The following ZCCHC8 variants were observed in gnomAD, a reference collection of about 807,000 sequenced individuals.
ZCCHC8 encodes the protein zinc finger CCHC-type containing 8, also known as zinc finger CCHC domain-containing protein 8.
In ZCCHC8, 27 loss-of-function variants were observed where a neutral mutation model predicts 70.6. That is an observed-to-expected ratio of 0.38 (90% CI 0.28 to 0.53). The LOEUF is 0.53. Ranked by LOEUF, ZCCHC8 falls within the 20% of genes least tolerant of loss-of-function variation. The probability of loss-of-function intolerance (pLI) is 0.81; values close to 1 mark genes in which losing one functional copy is unlikely to be tolerated. For missense variants in ZCCHC8, 737 were observed against 876.9 expected, an observed-to-expected ratio of 0.84 and a Z score of 2.01; for synonymous variants, 293 against 317.4, an observed-to-expected ratio of 0.92 and a Z score of 0.82.
chr12:122,478,155 T>A (rs1343246882), intron 12 of ZCCHC8, 51 bp downstream of exon 12: 4 of 1,439,944 alleles, frequency 2.8e-6, no homozygotes, highest in Non-Finnish European at 3.8e-6. Context: ...AATTACACAA[T>A]CTCGCAGACA....
intron 10 of ZCCHC8, 68 bp from the exon 11 acceptor site, chr12:122,480,379 T>C: frequency 7.4e-7 from 1 of 1,354,190 alleles, no homozygotes; most frequent in Non-Finnish European, 9.7e-7. Context: ...AGACCAAAAG[T>C]ACACCTGGAA....
chr12:122,482,159 C>G (rs1186841403), intron 8 of ZCCHC8, 72 bp from the exon 9 acceptor site: 1 of 1,445,664 alleles, frequency 6.9e-7, no homozygotes, highest in Admixed American at 2.3e-5. Flanking sequence ...AATAAAAATA[C>G]TTTTTTTTAG....
In ZCCHC8 at chr12:122,473,412, A is replaced by T; in HGVS notation, c.*85T>A. ...ATTTTTAAACATGGGAGGGACAAACAGGAAAACCATTCTATCTATCCACTT... is the reference window on the plus strand; with the variant it reads ...ATTTTTAAACATGGGAGGGACAAACTGGAAAACCATTCTATCTATCCACTT... On this transcript the variant is annotated 3_prime_UTR_variant, in exon 14 of 14. Coordinates refer to ENST00000633063, the MANE Select transcript of ZCCHC8 (RefSeq NM_017612.5). The T allele has an allele frequency of 7.1e-7, 1 of 1,402,256 alleles. No homozygotes were observed. Among genetic ancestry groups the T allele is most frequent in the South Asian group, 1.5e-5 (1 of 68,292 alleles). The allele number at this position is 1,402,256 out of a possible 1,614,324, so 86.9% of individuals were successfully genotyped here. A position where few individuals can be genotyped will look rare whatever the true frequency, so the allele number is the denominator to read the frequency against.
chr12:122,483,157 G>T lies in ZCCHC8; in HGVS notation c.671+122C>A. On this transcript the variant is annotated intron_variant, in intron 7 of 13. Transcript: ENST00000633063. This position sits in a 1 kb window ranked among gnomAD's most constrained non-coding sequence, Gnocchi z 4.4. The stretch of plus-strand genomic sequence containing the variant: ...CATATATGTATGGATTAAAATTCTA[G>T]CTCAATCTGTAATTAACCTTAGAGT... The T allele has an allele frequency of 1.1e-6, 1 of 876,480 alleles. No homozygotes were observed. The highest frequency in any genetic ancestry group is 1.8e-6 in the Non-Finnish European group (1 of 571,296). The allele number at this position is 876,480 out of a possible 1,614,324, so 54.3% of individuals were successfully genotyped here. A position where few individuals can be genotyped will look rare whatever the true frequency, so the allele number is the denominator to read the frequency against.
Position 122,483,753 on chromosome 12 carries a change from CT to C in ZCCHC8, c.502-191del. On this transcript the variant is annotated intron_variant, in intron 5 of 13. Coordinates refer to ENST00000633063, the MANE Select transcript of ZCCHC8 (RefSeq NM_017612.5). The surrounding 1 kb of genome is among the most constrained non-coding windows in gnomAD (Gnocchi z 4.4). ...CTACATCGTCAGTTCCCTCTCTCTG[CT>C]AGATCAGTTTTTCCTCTGTATTGGA... is the stretch of plus-strand genomic sequence containing the variant. 3.5e-6 allele frequency: 2 copies of C among 575,522 alleles called. No individual in the cohort carries two copies. The highest frequency in any genetic ancestry group is 6.1e-6 in the Non-Finnish European group (2 of 328,368). 35.7% of individuals were successfully genotyped at this position (575,522 alleles called of 1,614,324 possible).
At chr12:122,478,005 G>A (rs1304058419) in intron 12 of ZCCHC8, 47 bp from the exon 13 acceptor site, 1 of 1,408,948 alleles carries the variant, frequency 7.1e-7, no homozygotes, top group Non-Finnish European at 1.0e-6. Flanking sequence ...GGTAGATAAT[G>A]AATTAAACTC....
chr12:122,492,837 T>C, intron 2 of ZCCHC8, 48 bp from the exon 3 acceptor site: 1 of 1,254,670 alleles, frequency 8.0e-7, no homozygotes, highest in East Asian at 2.5e-5. Context: ...TAAGTAAAAC[T>C]TGCATACGTA....
intron 2 of ZCCHC8, 115 bp from the exon 3 acceptor site, chr12:122,492,904 T>C (rs1372750449): frequency 4.2e-6 from 3 of 707,062 alleles, no homozygotes; most frequent in South Asian, 1.8e-5. Context: ...AGGTTCTCAC[T>C]CTGTCGCTCG....
intron 4 of ZCCHC8, among the ~76,000 whole-genome samples, 198 bp downstream of exon 4, chr12:122,490,264 T>C (rs1267523965): frequency 6.6e-6 from 1 of 152,106 alleles, no homozygotes; most frequent in Non-Finnish European, 1.5e-5. Context: ...AGTCAGGCAA[T>C]GTAAAAAGTC....
At chr12:122,492,680 A>G (rs971115209) in intron 3 of ZCCHC8, 35 bp downstream of exon 3, 1 of 1,322,662 alleles carries the variant, frequency 7.6e-7, no homozygotes, top group Admixed American at 2.1e-5. Flanking sequence ...CCATAAACAC[A>G]TTATTATATT....
intron 1 of ZCCHC8, 63 bp from the exon 2 acceptor site, chr12:122,498,932 T>C (rs1056332196): frequency 2.8e-6 from 4 of 1,412,674 alleles, no homozygotes; most frequent in Admixed American, 3.5e-5. Flanking sequence ...ATTCAACTAC[T>C]ACTTCTCTCA....
intron 1 of ZCCHC8, chr12:122,499,074 C>T (rs755425250): frequency 6.9e-6 from 4 of 581,298 alleles, no homozygotes; most frequent in African/African-American, 5.6e-5. Context: ...TTTATCCTTT[C>T]GAACATATAT....
intron 13 of ZCCHC8, among the ~76,000 whole-genome samples, chr12:122,475,928 T>A (rs2137321808): frequency 6.6e-6 from 1 of 152,356 alleles, no homozygotes; most frequent in South Asian, 2.1e-4. Flanking sequence ...TTCACTATCC[T>A]GCATCTGCAC....
At position 122,482,003 on chromosome 12, in the gene ZCCHC8, G is replaced by A; in HGVS notation, c.817C>T (p.Arg273Ter). 3 of 1,613,204 alleles carry A rather than the reference G, an allele frequency of 1.9e-6. No individual in the cohort carries two copies. The highest frequency in any genetic ancestry group is 1.1e-5 in the South Asian group (1 of 91,024). ...GEANNQNFQQ[R>*]YHAEEVEERF... ...TCTTCTACTTCTTCTGCGTGGTATC[G>A]CTGCTGGAAATTCTGATTGTTTGCT... is the stretch of plus-strand genomic sequence containing the variant. The change falls in exon 9 of 14, where the codon CGA becomes TGA. Residue 273 changes from arginine to a stop codon, truncating the protein, a stop_gained. Transcript: ENST00000633063. LOFTEE classifies it high-confidence loss of function.
intron 5 of ZCCHC8, 96 bp downstream of exon 5, chr12:122,489,290 T>C (rs1338540019): frequency 9.0e-7 from 1 of 1,107,316 alleles, no homozygotes; most frequent in Admixed American, 2.5e-5. Context: ...AGTGAAGACA[T>C]ATGACTATAC....
At chr12:122,494,108 A>G (rs915365406) in intron 2 of ZCCHC8, among the ~76,000 whole-genome samples, 1 of 152,206 alleles carries the variant, frequency 6.6e-6, no homozygotes, top group Non-Finnish European at 1.5e-5. Context: ...ACAGAACTAG[A>G]ATGCAGCCTA....
intron 4 of ZCCHC8, 127 bp from the exon 5 acceptor site, chr12:122,489,590 A>G (rs1267862578): frequency 4.7e-6 from 4 of 847,590 alleles, no homozygotes; most frequent in Non-Finnish European, 7.6e-6. Context: ...AGAATGGAAG[A>G]TGTAAAAGGA....
rs149060578 is a variant in ZCCHC8 at position 122,475,297 on chromosome 12, G to C, written c.1346-1022C>G. Among the ~76,000 whole-genome samples, 919 of 152,140 alleles carry C rather than the reference G, an allele frequency of 6.0e-3. 21 individuals carry two copies. The highest frequency in any genetic ancestry group is 0.043 in the East Asian group (223 of 5,176). ...TGATCTCAAGTGATCCGCCCACCTC[G>C]GCCTCCCAAAGTGCTGAGATTACAG... On this transcript the variant is annotated intron_variant, in intron 13 of 13. Transcript: ENST00000633063.
At position 122,483,452 on chromosome 12, in the gene ZCCHC8, T is replaced by C; in HGVS notation, c.605+8A>G. 1 of 1,585,410 alleles carries C rather than the reference T, an allele frequency of 6.3e-7. No individual in the cohort carries two copies. Among genetic ancestry groups the C allele is most frequent in the Non-Finnish European group, 8.6e-7 (1 of 1,164,186 alleles). On this transcript the variant is annotated splice_region_variant and intron_variant, in intron 6 of 13. Transcript: ENST00000633063. This position sits in a 1 kb window ranked among gnomAD's most constrained non-coding sequence, Gnocchi z 4.4. ...GCATAAAAGATCTTCATTCACTATG[T>C]AGGATACTTGGGTATTTCCCATCCT...
Sources: allele counts gnomAD v4.1 joint callset (sites outside exome capture counted in the v4.1 genomes callset), GRCh38; gene constraint gnomAD v4.1.1; non-coding constraint Gnocchi (gnomAD v3.1); transcripts MANE v1.5; gene names NCBI Gene and HGNC (gene_info 2026-07-23, HGNC 2026-07-21).